KIAA1328: variants seen among roughly 807,000 people sequenced by gnomAD.
The protein encoded by KIAA1328 is KIAA1328.
A neutral mutation model predicts 68.1 loss-of-function variants in KIAA1328; 52 were observed. The observed-to-expected ratio is 0.76, with a 90% CI of 0.61 to 0.96. The LOEUF (loss-of-function observed/expected upper bound fraction) is 0.96. Ranked by LOEUF, KIAA1328 falls within the 40% of genes least tolerant of loss-of-function variation. The probability of loss-of-function intolerance (pLI) is 0.00; values close to 1 mark genes in which losing one functional copy is unlikely to be tolerated. For missense variants in KIAA1328, 641 were observed against 677.6 expected (o/e 0.95, Z 0.60); for synonymous variants, 232 against 239.4 (o/e 0.97, Z 0.28).
At chr18:36,945,337 T>C (rs1168915961) in intron 5 of KIAA1328, among the ~76,000 whole-genome samples, 1 of 152,156 alleles carries the variant, frequency 6.6e-6, no homozygotes, top group Non-Finnish European at 1.5e-5. Context: ...AAGTTGTTCA[T>C]AAAATTTTTT....
chr18:37,071,223 C>A (rs552678182), intron 7 of KIAA1328, among the ~76,000 whole-genome samples: 6 of 152,006 alleles, frequency 3.9e-5, no homozygotes, highest in African/African-American at 1.4e-4. Flanking sequence ...CAGGCACGTG[C>A]TGCCATGCCC....
rs2059781123 is a variant in KIAA1328 at position 37,185,652 on chromosome 18, A to AAAAATG, written c.1523+12571_1523+12572insAAAATG. ...TAATTGGCTAATGTATCTTCAGCTCAGCTGGACATTTTTGTATACACTGTT... is the reference window on the plus strand; with the variant it reads ...TAATTGGCTAATGTATCTTCAGCTCAAAAATGGCTGGACATTTTTGTATACACTGTT... On this transcript the variant is annotated intron_variant, in intron 9 of 9. Transcript: ENST00000280020. Among the ~76,000 whole-genome samples, 4 of 152,246 alleles carry AAAAATG rather than the reference A, an allele frequency of 2.6e-5. No individual in the cohort carries two copies. The East Asian group carries it at 7.7e-4, about 29-fold the overall frequency.
intron 6 of KIAA1328, among the ~76,000 whole-genome samples, chr18:37,020,191 T>C (rs1242246523): frequency 6.6e-6 from 1 of 152,128 alleles, no homozygotes; most frequent in African/African-American, 2.4e-5. Context: ...TGGTGCTATC[T>C]CGACTCACTG....
rs976350256 is a variant in KIAA1328, at chr18:37,224,433, T to C, written c.*2206T>C. ...GGGCTTTCAGCAGAATATCAACCAA[T>C]ACATTTTTCACATGCAAAACTCATC... On this transcript the variant is annotated 3_prime_UTR_variant, in exon 10 of 10. Transcript: ENST00000280020. 2.0e-5 allele frequency: 20 copies of C among 985,278 alleles called. No homozygotes were observed. The highest frequency in any genetic ancestry group is 1.1e-5 in the Non-Finnish European group (9 of 829,926). 61.0% of individuals were successfully genotyped at this position (985,278 alleles called of 1,614,324 possible).
chr18:36,989,958 G>C (rs2053107790), intron 6 of KIAA1328, among the ~76,000 whole-genome samples: 1 of 152,134 alleles, frequency 6.6e-6, no homozygotes, highest in Non-Finnish European at 1.5e-5. Flanking sequence ...CTCCCAAAGT[G>C]CTGGGAGTAC....
intron 4 of KIAA1328, among the ~76,000 whole-genome samples, chr18:36,868,862 A>G (rs568910185): frequency 6.6e-6 from 1 of 152,294 alleles, no homozygotes; most frequent in Non-Finnish European, 1.5e-5. Flanking sequence ...CAGAAGAAAA[A>G]TAGAAAGTGT....
intron 9 of KIAA1328, among the ~76,000 whole-genome samples, chr18:37,200,320 A>G (rs956075971): frequency 3.3e-5 from 5 of 152,230 alleles, no homozygotes; most frequent in African/African-American, 1.2e-4. Flanking sequence ...ATTCTCATTG[A>G]TAACATCGAA....
intron 6 of KIAA1328, among the ~76,000 whole-genome samples, chr18:36,960,837 A>G (rs901518354): frequency 6.6e-6 from 1 of 152,232 alleles, no homozygotes; most frequent in African/African-American, 2.4e-5. Context: ...CCAAAGGTAG[A>G]TAAAACCACA....
rs1359553411 is a variant in KIAA1328 at position 37,073,174 on chromosome 18, T to G, written c.1232+5629T>G. Among the ~76,000 whole-genome samples, 5 of 152,160 alleles carry G rather than the reference T, an allele frequency of 3.3e-5. No homozygotes were observed. In the East Asian group the frequency reaches 7.7e-4, roughly 23 times the overall value. On this transcript the variant is annotated intron_variant, in intron 7 of 9. Coordinates refer to ENST00000280020, the MANE Select transcript of KIAA1328 (RefSeq NM_020776.3). ...CCAAAATTGACAAATGGGATCTAAT[T>G]AAACTAAAGAGCTTCTGCACAGCAA... is the stretch of plus-strand genomic sequence containing the variant.
At chr18:36,913,742 G>A (rs1191624654) in intron 5 of KIAA1328, among the ~76,000 whole-genome samples, 1 of 152,074 alleles carries the variant, frequency 6.6e-6, no homozygotes, top group Non-Finnish European at 1.5e-5. Context: ...ACAATGGCAT[G>A]TGTATTTCCA....
intron 7 of KIAA1328, among the ~76,000 whole-genome samples, chr18:37,102,722 T>C (rs1310794514): frequency 6.6e-6 from 1 of 152,140 alleles, no homozygotes; most frequent in African/African-American, 2.4e-5. Context: ...CTGGAAGTGC[T>C]AGCCAGACCA....
intron 5 of KIAA1328, among the ~76,000 whole-genome samples, chr18:36,895,947 C>T (rs1487948506): frequency 1.3e-5 from 2 of 152,094 alleles, no homozygotes; most frequent in East Asian, 3.9e-4. Context: ...AAACCAAACC[C>T]GATCAGACCT....
intron 6 of KIAA1328, among the ~76,000 whole-genome samples, chr18:36,989,788 G>A (rs1187338149): frequency 1.3e-5 from 2 of 151,984 alleles, no homozygotes; most frequent in African/African-American, 2.4e-5. Context: ...TCCGCCCCCC[G>A]GGTTCATGCC....
At chr18:36,890,280 A>C (rs1246344434) in intron 5 of KIAA1328, among the ~76,000 whole-genome samples, 3 of 151,716 alleles carry the variant, frequency 2.0e-5, no homozygotes, top group African/African-American at 7.3e-5. Flanking sequence ...TGTGGTATGA[A>C]ACTTAACTTG....
At chr18:37,139,571 G>T (rs1024548516) in intron 7 of KIAA1328, among the ~76,000 whole-genome samples, 1 of 152,100 alleles carries the variant, frequency 6.6e-6, no homozygotes, top group South Asian at 2.1e-4. Context: ...CACATCAGTA[G>T]ATCTGTAATA....
Position 37,224,680 on chromosome 18 carries a change from G to A in KIAA1328, c.*2453G>A. The A allele has an allele frequency of 2.0e-6, 2 of 985,422 alleles. No homozygotes were observed. The highest frequency in any genetic ancestry group is 2.4e-6 in the Non-Finnish European group (2 of 829,940). 61.0% of individuals were successfully genotyped at this position (985,422 alleles called of 1,614,324 possible). On this transcript the variant is annotated 3_prime_UTR_variant, in exon 10 of 10. Coordinates refer to ENST00000280020, the MANE Select transcript of KIAA1328 (RefSeq NM_020776.3). Reference sequence around the variant, plus strand: ...CAGACTATCCCAAGAGAAAGGATCTGGCACAAAGGAATCTGCCTTTCCTCC... The same window carrying A: ...CAGACTATCCCAAGAGAAAGGATCTAGCACAAAGGAATCTGCCTTTCCTCC...
rs957800955 is a variant in KIAA1328, at chr18:36,839,743, G to A, written c.237+4367G>A. Among the ~76,000 whole-genome samples, 15 of 152,158 alleles carry A rather than the reference G, an allele frequency of 9.9e-5. No homozygotes were observed. In the South Asian group the frequency reaches 2.9e-3, roughly 29 times the overall value. ...AGCTTTTAAAGGTGGTGCCAGAGCA[G>A]CTTTTAGTATAGGGGTAATTTTGCC... On this transcript the variant is annotated intron_variant, in intron 3 of 9. Transcript: ENST00000280020.
At chr18:37,025,767 A>G (rs1233297207) in intron 6 of KIAA1328, among the ~76,000 whole-genome samples, 3 of 152,220 alleles carry the variant, frequency 2.0e-5, no homozygotes, top group Non-Finnish European at 4.4e-5. Flanking sequence ...CACAAGAGAA[A>G]GCAGGAAAGA....
chr18:37,126,658 A>G (rs2058397988), intron 7 of KIAA1328, among the ~76,000 whole-genome samples: 2 of 152,184 alleles, frequency 1.3e-5, no homozygotes, highest in African/African-American at 4.8e-5. Flanking sequence ...AGAAAAGAAC[A>G]CTACATACCA....
Sources: gnomAD v4.1 joint callset for allele counts (sites outside exome capture counted in the v4.1 genomes callset) on GRCh38, gnomAD v4.1.1 for gene constraint, MANE v1.5 for transcripts, NCBI Gene and HGNC (gene_info 2026-07-23, HGNC 2026-07-21) for gene names.